The following COL5A2 variants were observed in gnomAD, a reference collection of about 807,000 sequenced individuals.
COL5A2 encodes collagen type V alpha 2 chain.
COL5A2 carries 23 observed loss-of-function variants against 208.2 expected under a neutral mutation model. That is an observed-to-expected ratio of 0.11 (90% CI 0.08 to 0.16). The LOEUF (loss-of-function observed/expected upper bound fraction) is 0.16. COL5A2 is among the 10% of genes least tolerant of loss of function. COL5A2 has a pLI of 1.00. For missense variants in COL5A2, 1,590 were observed against 1,956.4 expected, an observed-to-expected ratio of 0.81 and a Z score of 3.53; for synonymous variants, 625 against 628.5, an observed-to-expected ratio of 0.99 and a Z score of 0.08.
intron 1 of COL5A2, among the ~76,000 whole-genome samples, chr2:189,190,897 C>A (rs1451821544): frequency 6.6e-6 from 1 of 152,076 alleles, no homozygotes; most frequent in Admixed American, 6.6e-5. Flanking sequence ...ATTGTCCTGG[C>A]CCACCAAAGG....
At chr2:189,341,301 T>C in the COL5A2 span, among the ~76,000 whole-genome samples, 1 of 152,154 alleles carries the variant, frequency 6.6e-6, no homozygotes, top group Non-Finnish European at 1.5e-5. Flanking sequence ...TGTCTAGTAG[T>C]TGCCACCTGC....
At chr2:189,039,701 T>C (rs1006481734) in intron 50 of COL5A2, 138 bp from the exon 51 acceptor site, 16 of 759,976 alleles carry the variant, frequency 2.1e-5, no homozygotes, top group Non-Finnish European at 2.9e-5. Flanking sequence ...CGCCCTTTTG[T>C]AACTAGATGG....
chr2:189,337,498 T>C, the COL5A2 span, among the ~76,000 whole-genome samples: 2 of 152,088 alleles, frequency 1.3e-5, no homozygotes, highest in Non-Finnish European at 2.9e-5. Context: ...ATTTTTTAAT[T>C]AAATAAAAAA....
intron 47 of COL5A2, 30 bp downstream of exon 47, chr2:189,045,149 T>C: frequency 6.5e-7 from 1 of 1,549,920 alleles, no homozygotes; most frequent in Non-Finnish European, 8.8e-7. Context: ...TAAGAAAACA[T>C]TTTTTAAAAA....
At position 189,034,041 on chromosome 2, in the gene COL5A2, T is replaced by A; in HGVS notation, c.*29A>T. The A allele has an allele frequency of 1.9e-6, 3 of 1,613,718 alleles. No homozygotes were observed. The highest frequency in any genetic ancestry group is 2.5e-6 in the Non-Finnish European group (3 of 1,179,778). Reference sequence around the variant, plus strand: ...GAATGGCGGTGGTCATTGATGGTGGTGCTCATTGTCGATGTGTCTTGGCTT... The same window carrying A: ...GAATGGCGGTGGTCATTGATGGTGGAGCTCATTGTCGATGTGTCTTGGCTT... On this transcript the variant is annotated 3_prime_UTR_variant, in exon 54 of 54. Coordinates refer to ENST00000374866, the MANE Select transcript of COL5A2 (RefSeq NM_000393.5).
chr2:189,087,124 A>G (rs1001812150), intron 8 of COL5A2, among the ~76,000 whole-genome samples: 90 of 152,340 alleles, frequency 5.9e-4, no homozygotes, highest in Admixed American at 2.9e-3. Flanking sequence ...TAGTTCTCAA[A>G]CTTCCTATTT....
intron 7 of COL5A2, among the ~76,000 whole-genome samples, chr2:189,090,395 T>C (rs1173525132): frequency 6.6e-6 from 1 of 152,150 alleles, no homozygotes; most frequent in African/African-American, 2.4e-5. Flanking sequence ...CTCCATAATA[T>C]AAAAATGCAA....
At chr2:189,150,556 C>T (rs984004177) in intron 1 of COL5A2, among the ~76,000 whole-genome samples, 1 of 152,212 alleles carries the variant, frequency 6.6e-6, no homozygotes, top group Middle Eastern at 3.4e-3. Flanking sequence ...CCATGGACTG[C>T]TATTATTTTC....
chr2:189,049,259 T>C (rs894918940), intron 44 of COL5A2, 88 bp downstream of exon 44: 1 of 923,706 alleles, frequency 1.1e-6, no homozygotes, highest in Non-Finnish European at 1.7e-6. Flanking sequence ...AAATATGCAA[T>C]AAAATTCTAA....
At chr2:189,202,859 A>C (rs2105858920) in intron 1 of COL5A2, among the ~76,000 whole-genome samples, 1 of 152,244 alleles carries the variant, frequency 6.6e-6, no homozygotes, top group East Asian at 1.9e-4. Flanking sequence ...CTACCTATTA[A>C]ACTTTCTAAT....
the COL5A2 span, among the ~76,000 whole-genome samples, chr2:189,299,132 G>A: frequency 6.6e-6 from 1 of 152,104 alleles, no homozygotes; most frequent in Non-Finnish European, 1.5e-5. Flanking sequence ...TAAACCCACA[G>A]TTATTTGCAT....
chr2:189,332,152 T>G, the COL5A2 span, among the ~76,000 whole-genome samples: 1 of 152,124 alleles, frequency 6.6e-6, no homozygotes, highest in African/African-American at 2.4e-5. Context: ...ATTAAAAGAC[T>G]GAGACCTAAC....
the COL5A2 span, among the ~76,000 whole-genome samples, chr2:189,345,743 C>A: frequency 6.6e-5 from 10 of 152,132 alleles, no homozygotes; most frequent in East Asian, 1.9e-3. Flanking sequence ...GGGCAAGAAC[C>A]AGATTGTAGA....
rs1444743742 is a variant in COL5A2, at chr2:189,157,503, T to G, written c.97+22005A>C. On this transcript the variant is annotated intron_variant, in intron 1 of 53. Transcript: ENST00000374866. Reference sequence around the variant, plus strand: ...TTCAACAATAATTACAAACACATAGTTCTGTTATCTTCTAGAGAAGGTGAT... The same window carrying G: ...TTCAACAATAATTACAAACACATAGGTCTGTTATCTTCTAGAGAAGGTGAT... Among the ~76,000 whole-genome samples the G allele has an allele frequency of 2.0e-5, 3 of 151,894 alleles. No homozygotes were observed. The East Asian group carries it at 5.8e-4, about 29-fold the overall frequency.
At chr2:189,411,005 A>G in the COL5A2 span, among the ~76,000 whole-genome samples, 2 of 152,116 alleles carry the variant, frequency 1.3e-5, no homozygotes, top group African/African-American at 4.8e-5. Flanking sequence ...TAGTCTCAGC[A>G]CCGAATTACT....
the COL5A2 span, among the ~76,000 whole-genome samples, chr2:189,438,409 T>C: frequency 6.6e-6 from 1 of 152,216 alleles, no homozygotes; most frequent in South Asian, 2.1e-4. Context: ...TAAACCTACA[T>C]ATGAATGTTT....
At chr2:189,152,448 T>C (rs1688163457) in intron 1 of COL5A2, among the ~76,000 whole-genome samples, 1 of 152,140 alleles carries the variant, frequency 6.6e-6, no homozygotes, top group African/African-American at 2.4e-5. Flanking sequence ...ATACACACAA[T>C]GTATGTGAAA....
chr2:189,057,100 A>C, intron 34 of COL5A2, 74 bp from the exon 35 acceptor site: 1 of 1,484,856 alleles, frequency 6.7e-7, no homozygotes, highest in Non-Finnish European at 9.4e-7. Context: ...GTTTCATGAG[A>C]GTGAAGGCTA....
chr2:189,204,061 C>G (rs1223732967), intron 1 of COL5A2, among the ~76,000 whole-genome samples: 1 of 152,088 alleles, frequency 6.6e-6, no homozygotes, highest in African/African-American at 2.4e-5. Context: ...CCACGCCCGG[C>G]TAATTTTTTG....
Sources: gnomAD v4.1 joint callset for allele counts (sites outside exome capture counted in the v4.1 genomes callset) on GRCh38, gnomAD v4.1.1 for gene constraint, MANE v1.5 for transcripts, NCBI Gene and HGNC (gene_info 2026-07-23, HGNC 2026-07-21) for gene names.